The following ARHGAP42 variants were observed in gnomAD, a reference collection of about 807,000 sequenced individuals.
The protein encoded by ARHGAP42 is rho GTPase-activating protein 42.
In ARHGAP42, 63 loss-of-function variants were observed where a neutral mutation model predicts 125.0. That is an observed-to-expected ratio of 0.50 (90% confidence interval 0.41 to 0.62). ARHGAP42 has a LOEUF of 0.62. Ranked by LOEUF, ARHGAP42 falls within the 20% of genes least tolerant of loss-of-function variation. ARHGAP42 has a pLI of 0.00. For missense variants in ARHGAP42, 766 were observed against 1,024.2 expected (o/e 0.75, Z 3.44); for synonymous variants, 339 against 351.0 (o/e 0.97, Z 0.38).
At chr11:100,808,924 A>G (rs931814059) in intron 3 of ARHGAP42, among the ~76,000 whole-genome samples, 1 of 152,168 alleles carries the variant, frequency 6.6e-6, no homozygotes, top group African/African-American at 2.4e-5. Flanking sequence ...TCTTATCAAG[A>G]TGCTATGTTA....
intron 1 of ARHGAP42, among the ~76,000 whole-genome samples, chr11:100,734,382 C>T (rs187917036): frequency 1.0e-3 from 152 of 152,184 alleles, no homozygotes; most frequent in African/African-American, 3.4e-3. Context: ...CGGGTTCAAG[C>T]GATTCTTCTA....
chr11:100,855,770 T>C (rs866404109), intron 3 of ARHGAP42, among the ~76,000 whole-genome samples: 2 of 152,242 alleles, frequency 1.3e-5, no homozygotes, highest in Middle Eastern at 3.4e-3. Flanking sequence ...AAATGCTATA[T>C]TGTAAAGTAT....
At chr11:100,834,041 G>A (rs928926552) in intron 3 of ARHGAP42, among the ~76,000 whole-genome samples, 1 of 152,162 alleles carries the variant, frequency 6.6e-6, no homozygotes, top group African/African-American at 2.4e-5. Flanking sequence ...GACCAGATTA[G>A]TGACCATATT....
intron 22 of ARHGAP42, among the ~76,000 whole-genome samples, chr11:100,979,871 G>A (rs1345033889): frequency 6.6e-6 from 1 of 152,088 alleles, no homozygotes; most frequent in Non-Finnish European, 1.5e-5. Flanking sequence ...GTGAAGGAAA[G>A]GAATCACAGA....
At chr11:100,705,032 A>AAAG (rs1861461780) in intron 1 of ARHGAP42, among the ~76,000 whole-genome samples, 1 of 141,108 alleles carries the variant, frequency 7.1e-6, no homozygotes, top group Non-Finnish European at 1.5e-5. Context: ...AAAAAAAAAA[A>AAAG]AGAGAGAAGA....
chr11:100,963,181 G>T (rs1344867100), intron 16 of ARHGAP42, among the ~76,000 whole-genome samples: 1 of 152,158 alleles, frequency 6.6e-6, no homozygotes, highest in Non-Finnish European at 1.5e-5. Context: ...AATATTTTTG[G>T]CAGACAGCAG....
intron 1 of ARHGAP42, among the ~76,000 whole-genome samples, chr11:100,754,941 C>A (rs1190487296): frequency 6.6e-6 from 1 of 152,174 alleles, no homozygotes; most frequent in Non-Finnish European, 1.5e-5. Flanking sequence ...CTTAAGAAGA[C>A]CACTATTGGA....
At chr11:100,688,469 G>C (rs1349847043) in intron 1 of ARHGAP42, among the ~76,000 whole-genome samples, 2 of 152,132 alleles carry the variant, frequency 1.3e-5, no homozygotes, top group African/African-American at 2.4e-5. Context: ...GGGGTTAAAG[G>C]CCAATCAGAA....
intron 1 of ARHGAP42, among the ~76,000 whole-genome samples, chr11:100,693,256 C>G (rs962733538): frequency 4.6e-5 from 7 of 151,066 alleles, no homozygotes; most frequent in Non-Finnish European, 1.0e-4. Context: ...TGTAGTTGGG[C>G]AGCCTAATCA....
At chr11:100,906,613 A>T (rs1591285431) in intron 4 of ARHGAP42, among the ~76,000 whole-genome samples, 2 of 151,958 alleles carry the variant, frequency 1.3e-5, no homozygotes, top group East Asian at 3.9e-4. Flanking sequence ...ATATTCCTGA[A>T]ATTTTTTTTT....
At chr11:100,821,311 G>A (rs1411558918) in intron 3 of ARHGAP42, among the ~76,000 whole-genome samples, 2 of 152,144 alleles carry the variant, frequency 1.3e-5, no homozygotes, top group African/African-American at 4.8e-5. Context: ...AAGACTTGAG[G>A]TGGGTCAGAG....
intron 2 of ARHGAP42, among the ~76,000 whole-genome samples, chr11:100,787,277 C>CA (rs547501810): frequency 0.034 from 4,429 of 130,674 alleles, 78 homozygotes; most frequent in Non-Finnish European, 0.042. Context: ...GACTCCGTCT[C>CA]AAAAAAAAAA....
At chr11:100,889,776 C>T (rs1298157591) in intron 4 of ARHGAP42, among the ~76,000 whole-genome samples, 1 of 152,178 alleles carries the variant, frequency 6.6e-6, no homozygotes, top group Non-Finnish European at 1.5e-5. Context: ...TCTTCAGTCT[C>T]TTTCTACTTT....
intron 19 of ARHGAP42, among the ~76,000 whole-genome samples, chr11:100,975,835 C>A (rs1390876856): frequency 2.0e-5 from 3 of 152,096 alleles, no homozygotes; most frequent in Non-Finnish European, 4.4e-5. Context: ...CATAAACTTC[C>A]TAAAATAGCA....
chr11:100,852,973 AAC>A (rs1387426578), intron 3 of ARHGAP42, among the ~76,000 whole-genome samples: 5 of 152,230 alleles, frequency 3.3e-5, no homozygotes, highest in African/African-American at 9.6e-5. Flanking sequence ...GTTGGAATGA[AAC>A]AACTTCAGGG....
At chr11:100,822,185 G>A (rs535072588) in intron 3 of ARHGAP42, among the ~76,000 whole-genome samples, 15 of 151,972 alleles carry the variant, frequency 9.9e-5, no homozygotes, top group Admixed American at 3.9e-4. Context: ...TAATATTTTC[G>A]TTCCAGAATA....
chr11:100,975,737 A>G lies in ARHGAP42; in HGVS notation c.1856-320A>G, dbSNP rs565766588. Among the ~76,000 whole-genome samples, 5 of 152,332 alleles carry G rather than the reference A, an allele frequency of 3.3e-5. No individual in the cohort carries two copies. In the East Asian group the frequency reaches 9.6e-4, roughly 29 times the overall value. On this transcript the variant is annotated intron_variant, in intron 19 of 23. Transcript: ENST00000298815. ...CTCTTACTTCTGAATCCTGTTTCAT[A>G]AACAAATTTTGTGGGAATTCAAGTC...
rs138597769 is a variant in ARHGAP42, at chr11:100,847,167, A to G, written c.313-12387A>G. Among the ~76,000 whole-genome samples the G allele has an allele frequency of 2.2e-3, 328 of 152,276 alleles. 2 individuals are homozygous for G. In the South Asian group the frequency reaches 0.026, roughly 12 times the overall value. On this transcript the variant is annotated intron_variant, in intron 3 of 23. Transcript: ENST00000298815. ...CACCTGGCAATTTTTATTTAACCCA[A>G]GGCAAAGGCCTCGATCCCCTGAATG...
chr11:100,736,319 C>T (rs1046639227), intron 1 of ARHGAP42, among the ~76,000 whole-genome samples: 1 of 152,172 alleles, frequency 6.6e-6, no homozygotes, highest in Non-Finnish European at 1.5e-5. Context: ...TATATGGATG[C>T]ATGCCGGGGG....
Sources: gnomAD v4.1 joint callset for allele counts (sites outside exome capture counted in the v4.1 genomes callset) on GRCh38, gnomAD v4.1.1 for gene constraint, MANE v1.5 for transcripts, NCBI Gene and HGNC (gene_info 2026-07-23, HGNC 2026-07-21) for gene names.